Variants in EPHB1 observed in about 807,000 individuals in gnomAD.
The protein encoded by EPHB1 is EPH receptor B1, also known as ephrin type-B receptor 1.
A neutral mutation model predicts 94.4 loss-of-function variants in EPHB1; 30 were observed. The observed-to-expected ratio is 0.32, with a 90% CI of 0.24 to 0.43. The LOEUF is 0.43. Ranked by LOEUF, EPHB1 falls within the 20% of genes least tolerant of loss-of-function variation. The pLI, the probability that EPHB1 is intolerant of heterozygous loss-of-function variation, is 1.00. For synonymous variants in EPHB1, 522 were observed against 489.1 expected (o/e 1.07, Z -0.89); for missense variants, 1,055 against 1,308.3 (o/e 0.81, Z 2.99).
chr3:134,953,161 G>T (rs1184832188), intron 3 of EPHB1, among the ~76,000 whole-genome samples: 1 of 152,134 alleles, frequency 6.6e-6, no homozygotes, highest in African/African-American at 2.4e-5. Context: ...CCCCCACCCT[G>T]CCTGAGCACC....
In EPHB1 at chr3:135,213,240, C is replaced by A. The variant is rs114840327; in HGVS notation, c.2346+11551C>A. Among the ~76,000 whole-genome samples the A allele has an allele frequency of 6.5e-3, 990 of 152,252 alleles. 5 individuals carry two copies. Among genetic ancestry groups the A allele is most frequent in the Admixed American group, 0.012 (186 of 15,290 alleles). On this transcript the variant is annotated intron_variant, in intron 12 of 15. Transcript: ENST00000398015. The stretch of plus-strand genomic sequence containing the variant: ...GAAGCTCCTGAAATAATGAACAGAT[C>A]GAATTTTCTCCTTTGCGCTTTCTTA...
At chr3:134,908,811 A>T (rs2038390390) in intron 1 of EPHB1, among the ~76,000 whole-genome samples, 1 of 151,962 alleles carries the variant, frequency 6.6e-6, no homozygotes, top group African/African-American at 2.4e-5. Context: ...ATGGAAGAGG[A>T]GCTTCTTGTC....
rs35841212 is a variant in EPHB1, at chr3:134,810,276, AGT to A, written c.58+14620_58+14621del. On this transcript the variant is annotated intron_variant, in intron 1 of 15. Transcript: ENST00000398015. ...CTTGAAGCGTGGGTAGCACAGGAGG[AGT>A]GTGTGTGTGTGTGTGTGTGTGTGTG... Among the ~76,000 whole-genome samples the A allele has an allele frequency of 3.8e-3, 548 of 145,878 alleles. 1 individual carries two copies. The highest frequency in any genetic ancestry group is 5.9e-3 in the Non-Finnish European group (394 of 66,476).
intron 3 of EPHB1, among the ~76,000 whole-genome samples, chr3:135,093,769 T>A (rs1240466298): frequency 6.6e-6 from 1 of 152,004 alleles, no homozygotes; most frequent in African/African-American, 2.4e-5. Context: ...ATAAGTTCAC[T>A]GCATAAAAAT....
chr3:134,992,271 T>G (rs934966793), intron 3 of EPHB1, among the ~76,000 whole-genome samples: 3 of 152,116 alleles, frequency 2.0e-5, no homozygotes, highest in African/African-American at 7.2e-5. Context: ...GATGACGGCC[T>G]GGAGTCTGTT....
chr3:135,123,531 C>T (rs1195731924), intron 4 of EPHB1, among the ~76,000 whole-genome samples: 1 of 152,056 alleles, frequency 6.6e-6, no homozygotes, highest in African/African-American at 2.4e-5. Flanking sequence ...AGAGCCATGT[C>T]CACAGGAAGG....
intron 2 of EPHB1, among the ~76,000 whole-genome samples, chr3:134,945,188 G>A (rs2039193870): frequency 1.3e-5 from 2 of 151,890 alleles, no homozygotes; most frequent in African/African-American, 4.8e-5. Context: ...TTTCTATCAG[G>A]TTTTCTTTTT....
chr3:134,826,251 CAA>C (rs34084951), intron 1 of EPHB1, among the ~76,000 whole-genome samples: 234 of 118,998 alleles, frequency 2.0e-3, no homozygotes, highest in Admixed American at 1.9e-3. Flanking sequence ...GACTCCATCT[CAA>C]AAAAAAAAAA....
At chr3:135,030,540 G>C (rs1936398226) in intron 3 of EPHB1, among the ~76,000 whole-genome samples, 1 of 152,216 alleles carries the variant, frequency 6.6e-6, no homozygotes, top group Admixed American at 6.5e-5. Flanking sequence ...CTGGTCGGGG[G>C]TCAGGGGTCA....
intron 15 of EPHB1, among the ~76,000 whole-genome samples, chr3:135,257,215 C>T (rs1285365383): frequency 1.3e-5 from 2 of 152,126 alleles, no homozygotes; most frequent in Non-Finnish European, 2.9e-5. Flanking sequence ...CTTCTCTCAA[C>T]TCGTCAAAGT....
At chr3:135,014,104 G>A (rs1412066869) in intron 3 of EPHB1, among the ~76,000 whole-genome samples, 4 of 152,138 alleles carry the variant, frequency 2.6e-5, no homozygotes, top group Non-Finnish European at 5.9e-5. Context: ...GGCCCAGGTG[G>A]TCTTCCCTCC....
At chr3:135,004,412 T>G (rs1935308843) in intron 3 of EPHB1, among the ~76,000 whole-genome samples, 1 of 152,108 alleles carries the variant, frequency 6.6e-6, no homozygotes, top group Non-Finnish European at 1.5e-5. Context: ...CATTTCAACT[T>G]TGGTGAATCT....
rs1942108974 is a variant in EPHB1 at position 135,179,944 on chromosome 3, A to C, written c.1844A>C (p.Asp615Ala). ...EAVREFAKEI[D>A]VSFVKIEEVI... is the part of the protein sequence containing the mutation. ...GTCCGGGAGTTTGCCAAGGAGATTGATGTATCTTTTGTGAAAATTGAAGAG... is the reference window on the plus strand; with the variant it reads ...GTCCGGGAGTTTGCCAAGGAGATTGCTGTATCTTTTGTGAAAATTGAAGAG... The change falls in exon 10 of 16, where the codon GAT becomes GCT. Residue 615 changes from aspartate (D) to alanine (A), a missense_variant. Physicochemically the swap from Asp to Ala is moderately radical, Grantham distance 126 (BLOSUM62 -2). Coordinates refer to ENST00000398015, the MANE Select transcript of EPHB1 (RefSeq NM_004441.5). The C allele has an allele frequency of 6.2e-7, 1 of 1,613,834 alleles. No individual in the cohort carries two copies. The highest frequency in any genetic ancestry group is 8.5e-7 in the Non-Finnish European group (1 of 1,179,856).
At chr3:135,040,266 A>G (rs571322816) in intron 3 of EPHB1, among the ~76,000 whole-genome samples, 4 of 152,176 alleles carry the variant, frequency 2.6e-5, no homozygotes, top group African/African-American at 9.7e-5. Flanking sequence ...AGATACATAC[A>G]CTATAATGTG....
chr3:135,053,945 T>C (rs999548032), intron 3 of EPHB1, among the ~76,000 whole-genome samples: 1 of 151,780 alleles, frequency 6.6e-6, no homozygotes, highest in Non-Finnish European at 1.5e-5. Context: ...TAAGCTATGA[T>C]TGCTTCACTG....
intron 15 of EPHB1, among the ~76,000 whole-genome samples, chr3:135,256,912 A>G (rs1185444531): frequency 3.4e-5 from 5 of 146,906 alleles, no homozygotes; most frequent in African/African-American, 5.1e-5. Flanking sequence ...GGCTTTGCTC[A>G]TTTCTTTTTA....
chr3:135,055,068 C>T (rs1937308254), intron 3 of EPHB1, among the ~76,000 whole-genome samples: 1 of 152,098 alleles, frequency 6.6e-6, no homozygotes, highest in South Asian at 2.1e-4. Flanking sequence ...GCCTCTTTAT[C>T]CAGTTTACTA....
intron 3 of EPHB1, among the ~76,000 whole-genome samples, chr3:135,075,560 C>A (rs148977413): frequency 2.4e-4 from 37 of 152,302 alleles, no homozygotes; most frequent in African/African-American, 8.2e-4. Context: ...CCCACACTAG[C>A]TGCCAACAGC....
At chr3:135,004,925 T>C (rs1264404420) in intron 3 of EPHB1, among the ~76,000 whole-genome samples, 1 of 152,162 alleles carries the variant, frequency 6.6e-6, no homozygotes, top group African/African-American at 2.4e-5. Context: ...TAGCTCAGAG[T>C]AATTTGATCG....
Sources: gnomAD v4.1 joint callset for allele counts (sites outside exome capture counted in the v4.1 genomes callset) on GRCh38, gnomAD v4.1.1 for gene constraint, MANE v1.5 for transcripts, NCBI Gene and HGNC (gene_info 2026-07-23, HGNC 2026-07-21) for gene names.